The following TBC1D32 variants were observed in gnomAD, a reference collection of about 807,000 sequenced individuals.
TBC1D32 encodes TBC1 domain family member 32, also known as protein broad-minded.
TBC1D32 carries 151 observed loss-of-function variants against 170.3 expected under a neutral mutation model. The ratio of observed to expected loss-of-function variants is 0.89; its 90% CI spans 0.78 to 1.01. The LOEUF is 1.01. Ranked by LOEUF, TBC1D32 falls within the 50% of genes least tolerant of loss-of-function variation. The probability of loss-of-function intolerance (pLI) is 0.00; values close to 1 mark genes in which losing one functional copy is unlikely to be tolerated. For synonymous variants in TBC1D32, 498 were observed against 488.0 expected, an observed-to-expected ratio of 1.02 and a Z score of -0.27; for missense variants, 1,464 against 1,457.1, an observed-to-expected ratio of 1.00 and a Z score of -0.08.
In TBC1D32 at chr6:121,255,409, G is replaced by T; in HGVS notation, c.1937C>A (p.Thr646Lys). 6 of 1,454,156 alleles carry T rather than the reference G, an allele frequency of 4.1e-6. No homozygotes were observed. The highest frequency in any genetic ancestry group is 5.5e-6 in the Non-Finnish European group (6 of 1,100,356). 90.1% of individuals were successfully genotyped at this position (1,454,156 alleles called of 1,614,324 possible). A position where few individuals can be genotyped will look rare whatever the true frequency, so the allele number is the denominator to read the frequency against. ...AGGAATTCTTTCTGATAGCAAACTT[G>T]TCTAAAAAATAGTAGAATAATTTAT... ...HESIAKAWKKTSLLSERIPTP... is the reference protein window; with the variant it reads ...HESIAKAWKKKSLLSERIPTP... The change falls in exon 17 of 32, where the codon ACA becomes AAA. Residue 646 changes from threonine to lysine, a missense_variant and splice_region_variant. Coordinates refer to ENST00000398212, the MANE Select transcript of TBC1D32 (RefSeq NM_152730.6).
chr6:121,319,579 G>A (rs2128499271), intron 2 of TBC1D32, among the ~76,000 whole-genome samples: 1 of 152,160 alleles, frequency 6.6e-6, no homozygotes, highest in South Asian at 2.1e-4. Flanking sequence ...CTTATAATCT[G>A]GTGATTTAAT....
chr6:121,142,771 A>G (rs901971739), intron 24 of TBC1D32, among the ~76,000 whole-genome samples: 1 of 152,192 alleles, frequency 6.6e-6, no homozygotes, highest in Non-Finnish European at 1.5e-5. Context: ...GCAACATAGT[A>G]GAGTGGACTA....
intron 31 of TBC1D32, among the ~76,000 whole-genome samples, chr6:121,085,286 T>C (rs550062118): frequency 4.8e-5 from 7 of 144,640 alleles, no homozygotes; most frequent in Non-Finnish European, 7.5e-5. Flanking sequence ...CGTATATATA[T>C]ACATATATAC....
chr6:121,130,682 C>T (rs563654995), intron 25 of TBC1D32, among the ~76,000 whole-genome samples: 3 of 152,202 alleles, frequency 2.0e-5, no homozygotes, highest in South Asian at 2.1e-4. Flanking sequence ...GAACGACATA[C>T]GAATTTAGTT....
chr6:121,125,882 C>T (rs990806667), intron 26 of TBC1D32, among the ~76,000 whole-genome samples: 9 of 152,154 alleles, frequency 5.9e-5, no homozygotes, highest in African/African-American at 1.4e-4. Flanking sequence ...GGCTAGCATG[C>T]CCATCACACC....
rs550556652 is a variant in TBC1D32, at chr6:121,296,604, G to T, written c.1141-1944C>A. Reference sequence around the variant, plus strand: ...CTCTAAATCCTACATTCTAAATAAAGTATTTTGAGTCCATCCATTTATCCC... The same window carrying T: ...CTCTAAATCCTACATTCTAAATAAATTATTTTGAGTCCATCCATTTATCCC... On this transcript the variant is annotated intron_variant, in intron 10 of 31. Coordinates refer to ENST00000398212, the MANE Select transcript of TBC1D32 (RefSeq NM_152730.6). 3.7e-4 allele frequency among the ~76,000 whole-genome samples: 57 copies of T among 152,170 alleles called. No individual in the cohort carries two copies. In the South Asian group the frequency reaches 0.012, roughly 32 times the overall value.
chr6:121,113,090 C>A lies in TBC1D32; in HGVS notation c.3141G>T (p.Gln1047His). The A allele has an allele frequency of 6.2e-7, 1 of 1,610,600 alleles. No individual in the cohort carries two copies. The stretch of plus-strand genomic sequence containing the variant: ...GAGAAGATTTTATGGAAGTTTGCTG[C>A]TGTTTCAGGAATCTCTCACAATGCT... ...VLKHCERFLK[Q>H]QQTSIKSSLL... The change falls in exon 28 of 32, where the codon CAG (glutamine) becomes CAT (histidine). Residue 1047 changes from glutamine to histidine, a missense_variant. Transcript: ENST00000398212.
At chr6:121,295,289 CAAA>C (rs60783883) in intron 10 of TBC1D32, among the ~76,000 whole-genome samples, 5 of 108,568 alleles carry the variant, frequency 4.6e-5, no homozygotes, top group Admixed American at 9.9e-5. Flanking sequence ...ATCCTAATTC[CAAA>C]AAAAAAAAAA....
At chr6:121,213,759 A>G (rs1366124427) in intron 21 of TBC1D32, among the ~76,000 whole-genome samples, 4 of 151,776 alleles carry the variant, frequency 2.6e-5, no homozygotes, top group Non-Finnish European at 5.9e-5. Flanking sequence ...TATCAAACTA[A>G]CAATGACATC....
At chr6:121,081,695 A>G (rs1775658093) in intron 31 of TBC1D32, among the ~76,000 whole-genome samples, 1 of 152,102 alleles carries the variant, frequency 6.6e-6, no homozygotes, top group Admixed American at 6.6e-5. Context: ...ATCATATACT[A>G]GATACTGTGT....
At chr6:121,321,612 T>A in intron 2 of TBC1D32, 21 bp downstream of exon 2, 1 of 1,602,560 alleles carries the variant, frequency 6.2e-7, no homozygotes, top group Non-Finnish European at 8.5e-7. Flanking sequence ...TATTTGAAGA[T>A]ATTATTATGG....
rs1228792699 is a variant in TBC1D32, at chr6:121,100,362, T to G, written c.3465+5661A>C. 1.3e-5 allele frequency among the ~76,000 whole-genome samples: 2 copies of G among 151,994 alleles called. 1 individual carries two copies. The highest frequency in any genetic ancestry group is 1.3e-4 in the Admixed American group (2 of 15,202). On this transcript the variant is annotated intron_variant, in intron 30 of 31. Coordinates refer to ENST00000398212, the MANE Select transcript of TBC1D32 (RefSeq NM_152730.6). ...TCATTGATCTGTCTAATGTTGACAG[T>G]GGTGTGTTAAAGTCTCCCATTATTA...
At chr6:121,309,659 A>C (rs74955014) in intron 4 of TBC1D32, among the ~76,000 whole-genome samples, 2,878 of 152,310 alleles carry the variant, frequency 0.019, 102 homozygotes, top group African/African-American at 0.066. Flanking sequence ...CTTTCAAATG[A>C]AATAATTCTT....
chr6:121,198,165 A>T (rs1459033598), intron 22 of TBC1D32, among the ~76,000 whole-genome samples: 3 of 143,484 alleles, frequency 2.1e-5, no homozygotes, highest in African/African-American at 7.8e-5. Flanking sequence ...GATATATAAT[A>T]TATATACACA....
chr6:121,111,704 T>C (rs184874182), intron 29 of TBC1D32, among the ~76,000 whole-genome samples: 1 of 152,080 alleles, frequency 6.6e-6, no homozygotes, highest in Non-Finnish European at 1.5e-5. Flanking sequence ...TTAATATTTA[T>C]TGTATTCCAT....
At chr6:121,241,932 T>C (rs1033195480) in intron 18 of TBC1D32, among the ~76,000 whole-genome samples, 1 of 152,210 alleles carries the variant, frequency 6.6e-6, no homozygotes, top group African/African-American at 2.4e-5. Context: ...TACATCCAGA[T>C]GTTTGATATC....
chr6:121,106,198 T>A lies in TBC1D32; in HGVS notation c.3325-35A>T, dbSNP rs1297751929. ...AGAGAAAAATTAAAAATTTTATTAA[T>A]TTTATTATTTAATAAATATAGATCA... On this transcript the variant is annotated intron_variant, in intron 29 of 31. Coordinates refer to ENST00000398212, the MANE Select transcript of TBC1D32 (RefSeq NM_152730.6). The A allele has an allele frequency of 2.4e-6, 3 of 1,237,970 alleles. No homozygotes were observed. In the African/African-American group the frequency reaches 4.7e-5, roughly 20 times the overall value. 76.7% of individuals were successfully genotyped at this position (1,237,970 alleles called of 1,614,324 possible).
chr6:121,295,063 T>A (rs1198132860), intron 10 of TBC1D32, among the ~76,000 whole-genome samples: 1 of 151,882 alleles, frequency 6.6e-6, no homozygotes, highest in African/African-American at 2.4e-5. Flanking sequence ...CAAGTCTTTA[T>A]TTCCATCTCA....
At chr6:121,176,435 C>CTCCAAAA (rs1228651079) in intron 22 of TBC1D32, among the ~76,000 whole-genome samples, 6 of 152,134 alleles carry the variant, frequency 3.9e-5, no homozygotes, top group Non-Finnish European at 5.9e-5. Context: ...GCATCCCAAA[C>CTCCAAAA]TCCAAAATCC....
Sources: gnomAD v4.1 joint callset for allele counts (sites outside exome capture counted in the v4.1 genomes callset) on GRCh38, gnomAD v4.1.1 for gene constraint, MANE v1.5 for transcripts, NCBI Gene and HGNC (gene_info 2026-07-23, HGNC 2026-07-21) for gene names.